CECR2: variants seen among roughly 807,000 people sequenced by gnomAD.
The protein encoded by CECR2 is CECR2 histone acetyl-lysine reader, also known as chromatin remodeling regulator CECR2.
In CECR2, 30 loss-of-function variants were observed where a neutral mutation model predicts 154.5. The ratio of observed to expected loss-of-function variants is 0.19; its 90% CI spans 0.15 to 0.26. The LOEUF (loss-of-function observed/expected upper bound fraction) is 0.26. Among genes scored for constraint, CECR2 ranks in the 10% least tolerant of loss-of-function variants. The pLI, the probability that CECR2 is intolerant of heterozygous loss-of-function variation, is 1.00. For synonymous variants in CECR2, 725 were observed against 683.7 expected (o/e 1.06, Z -0.94); for missense variants, 1,743 against 1,829.3 (o/e 0.95, Z 0.86).
At chr22:17,482,424 G>C (rs979553304) in intron 2 of CECR2, among the ~76,000 whole-genome samples, 20 of 152,220 alleles carry the variant, frequency 1.3e-4, no homozygotes, top group African/African-American at 4.6e-4. Context: ...ACAAGACATA[G>C]CATATACCGT....
At chr22:17,516,809 G>C (rs1395956840) in intron 8 of CECR2, among the ~76,000 whole-genome samples, 1 of 151,734 alleles carries the variant, frequency 6.6e-6, no homozygotes, top group East Asian at 1.9e-4. Flanking sequence ...GGTCAGGCTG[G>C]TCTTGAACAC....
intron 2 of CECR2, among the ~76,000 whole-genome samples, chr22:17,492,538 G>C (rs2055550074): frequency 2.0e-5 from 3 of 152,120 alleles, no homozygotes; most frequent in Non-Finnish European, 4.4e-5. Context: ...AGTTTGGAAA[G>C]GTTGTTGACT....
At chr22:17,529,213 G>A (rs2056313504) in intron 9 of CECR2, among the ~76,000 whole-genome samples, 1 of 152,210 alleles carries the variant, frequency 6.6e-6, no homozygotes, top group Non-Finnish European at 1.5e-5. Flanking sequence ...ACGGAGGCAG[G>A]GATATGCAGC....
chr22:17,463,172 G>A (rs948762205), intron 1 of CECR2, among the ~76,000 whole-genome samples: 14 of 152,224 alleles, frequency 9.2e-5, no homozygotes, highest in African/African-American at 3.1e-4. Context: ...GGAGTGCTGA[G>A]TGTATCTGAG....
chr22:17,456,126 AATT>A lies in CECR2; in HGVS notation c.127-21443_127-21441del, dbSNP rs58669468. Among the ~76,000 whole-genome samples, 31 of 151,638 alleles carry A rather than the reference AATT, an allele frequency of 2.0e-4. 1 individual carries two copies. The highest frequency in any genetic ancestry group is 5.3e-4 in the African/African-American group (22 of 41,326). On this transcript the variant is annotated intron_variant, in intron 1 of 18. Transcript: ENST00000262608. ...AAACCTCACCCCTACATGTTTAGTCAATTATTATTATTATTATTATTGCAACAC... is the reference window on the plus strand; with the variant it reads ...AAACCTCACCCCTACATGTTTAGTCAATTATTATTATTATTATTGCAACAC...
intron 9 of CECR2, among the ~76,000 whole-genome samples, chr22:17,528,248 T>G (rs998476577): frequency 6.6e-6 from 1 of 152,190 alleles, no homozygotes; most frequent in Non-Finnish European, 1.5e-5. Context: ...GATGCAGTCG[T>G]TTGCAACAAC....
At position 17,409,964 on chromosome 22, in the gene CECR2, CTATTTATT is replaced by C. The variant is rs1202467818; in HGVS notation, c.126+40081_126+40088del. ...ACATATTCAATCAAGTGTTTGCTGT[CTATTTATT>C]TATTTATTTATTTATTTATTTATTT... On this transcript the variant is annotated intron_variant, in intron 1 of 18. Coordinates refer to ENST00000262608, the MANE Select transcript of CECR2 (RefSeq NM_001290047.2). 2.6e-3 allele frequency among the ~76,000 whole-genome samples: 277 copies of C among 104,766 alleles called. 61 individuals carry two copies. The highest frequency in any genetic ancestry group is 8.2e-3 in the African/African-American group (241 of 29,264). 68.7% of individuals were successfully genotyped at this position (104,766 alleles called of 152,430 possible).
chr22:17,514,591 G>C (rs765512521), intron 8 of CECR2, among the ~76,000 whole-genome samples: 1 of 152,090 alleles, frequency 6.6e-6, no homozygotes, highest in Non-Finnish European at 1.5e-5. Context: ...GTTTATTTTT[G>C]CTTGGCCAGT....
chr22:17,540,943 A>G, intron 14 of CECR2, 143 bp downstream of exon 14: 1 of 968,906 alleles, frequency 1.0e-6, no homozygotes, highest in Non-Finnish European at 1.4e-6. Flanking sequence ...TGTTCATGTG[A>G]TTTTATTTTG....
chr22:17,447,034 T>TGG (rs200491307), intron 1 of CECR2, among the ~76,000 whole-genome samples: 7 of 75,418 alleles, frequency 9.3e-5, no homozygotes, highest in African/African-American at 5.4e-4. Flanking sequence ...GTTTACAATC[T>TGG]TTTTTTTTTT....
chr22:17,373,254 T>C (rs1309216505), intron 1 of CECR2, among the ~76,000 whole-genome samples: 1 of 152,148 alleles, frequency 6.6e-6, no homozygotes, highest in East Asian at 1.9e-4. Flanking sequence ...AAAAACTTTT[T>C]ACTCTATTAA....
intron 2 of CECR2, among the ~76,000 whole-genome samples, chr22:17,495,587 G>A (rs1464591669): frequency 6.7e-6 from 1 of 149,626 alleles, no homozygotes; most frequent in East Asian, 2.0e-4. Context: ...AAAAAAACGG[G>A]TGTGGTGGCT....
rs201360606 is a variant in CECR2, at chr22:17,446,137, T to TA, written c.127-31443dup. Among the ~76,000 whole-genome samples the TA allele has an allele frequency of 6.6e-3, 1,004 of 152,030 alleles. 5 individuals carry two copies. The highest frequency in any genetic ancestry group is 0.012 in the Non-Finnish European group (806 of 67,964). On this transcript the variant is annotated intron_variant, in intron 1 of 18. Transcript: ENST00000262608. ...GACCTAGATGAATCAAAATAGCCAT[T>TA]AAAAAAAACTCAGGAGGTGCTTTCT...
At chr22:17,392,663 CAG>C (rs1434688718) in intron 1 of CECR2, among the ~76,000 whole-genome samples, 2 of 150,814 alleles carry the variant, frequency 1.3e-5, no homozygotes, top group African/African-American at 4.9e-5. Flanking sequence ...GCCTGAGTGA[CAG>C]AGCAAGACCT....
intron 1 of CECR2, among the ~76,000 whole-genome samples, chr22:17,389,777 G>A (rs2063306934): frequency 6.6e-6 from 1 of 152,036 alleles, no homozygotes; most frequent in Admixed American, 6.6e-5. Context: ...ACAGGCATGC[G>A]CCACAACGCC....
intron 1 of CECR2, among the ~76,000 whole-genome samples, chr22:17,397,264 CGAGTAGCTAG>C (rs979277735): frequency 5.9e-5 from 9 of 151,990 alleles, no homozygotes; most frequent in Admixed American, 5.9e-4. Context: ...CTCAGCCTCT[CGAGTAGCTAG>C]GATTACAGGC....
At chr22:17,391,921 C>G (rs2063330196) in intron 1 of CECR2, among the ~76,000 whole-genome samples, 1 of 152,128 alleles carries the variant, frequency 6.6e-6, no homozygotes, top group South Asian at 2.1e-4. Flanking sequence ...CCCGTCTCAG[C>G]TTCCCGAGTA....
chr22:17,548,314 C>T lies in CECR2; in HGVS notation c.3027C>T (p.Ser1009=). Residue 1009 remains serine (S), a synonymous_variant, in exon 17 of 19, where the codon TCC becomes TCT. Transcript: ENST00000262608. The part of the protein sequence containing the change: ...ETVGPELKSS[S]SESADNCKAM... ...TGGGCCCGGAGCTCAAAAGCAGCTC[C>T]TCCGAATCTGCGGACAACTGTAAAG... 1 of 1,610,920 alleles carries T rather than the reference C, an allele frequency of 6.2e-7. No homozygotes were observed.
chr22:17,427,809 A>G (rs62239285), intron 1 of CECR2, among the ~76,000 whole-genome samples: 10,152 of 152,112 alleles, frequency 0.067, 461 homozygotes, highest in Middle Eastern at 0.12. Flanking sequence ...TCCTCTAGCT[A>G]GACAGAAGTT....
Sources: allele counts gnomAD v4.1 joint callset (sites outside exome capture counted in the v4.1 genomes callset), GRCh38; gene constraint gnomAD v4.1.1; transcripts MANE v1.5; gene names NCBI Gene and HGNC (gene_info 2026-07-23, HGNC 2026-07-21).